The following NCKAP5 variants were observed in gnomAD, a reference collection of about 807,000 sequenced individuals.
The protein encoded by NCKAP5 is NCK associated protein 5, also known as nck-associated protein 5.
A neutral mutation model predicts 167.0 loss-of-function variants in NCKAP5; 92 were observed. The ratio of observed to expected loss-of-function variants is 0.55; its 90% CI spans 0.47 to 0.66. NCKAP5 has a LOEUF of 0.66. NCKAP5 is among the 30% of genes least tolerant of loss of function. NCKAP5 has a pLI of 0.00. For synonymous variants in NCKAP5, 891 were observed against 877.4 expected (o/e 1.02, Z -0.27); for missense variants, 2,378 against 2,315.0 (o/e 1.03, Z -0.56).
At chr2:133,024,090 A>C (rs1216994375) in intron 6 of NCKAP5, among the ~76,000 whole-genome samples, 1 of 152,190 alleles carries the variant, frequency 6.6e-6, no homozygotes, top group African/African-American at 2.4e-5. Context: ...ATAAAGTATA[A>C]ACATCTATGA....
At chr2:133,003,724 C>T (rs1212291086) in intron 6 of NCKAP5, among the ~76,000 whole-genome samples, 1 of 152,152 alleles carries the variant, frequency 6.6e-6, no homozygotes, top group African/African-American at 2.4e-5. Flanking sequence ...ACAAATTTTG[C>T]AAGAATAACA....
At chr2:133,631,710 C>T in the NCKAP5 span, among the ~76,000 whole-genome samples, 1 of 152,176 alleles carries the variant, frequency 6.6e-6, no homozygotes. Context: ...CTAAGTCTTC[C>T]ATCCTCATGG....
chr2:132,997,316 C>T (rs916961264), intron 6 of NCKAP5, among the ~76,000 whole-genome samples: 3 of 152,104 alleles, frequency 2.0e-5, no homozygotes, highest in Admixed American at 1.3e-4. Context: ...GCGCTGGTTA[C>T]GAGTACTCTA....
intron 8 of NCKAP5, chr2:132,930,996 C>T (rs1696332436): frequency 6.6e-6 from 1 of 152,192 alleles, no homozygotes; most frequent in Non-Finnish European, 1.5e-5. Context: ...AAATTAAACT[C>T]AGGTACTCTG....
At chr2:132,968,827 G>T (rs1156319725) in intron 7 of NCKAP5, among the ~76,000 whole-genome samples, 1 of 152,136 alleles carries the variant, frequency 6.6e-6, no homozygotes, top group Non-Finnish European at 1.5e-5. Context: ...AACTGTAGCT[G>T]AAGGGCATTG....
intron 4 of NCKAP5, among the ~76,000 whole-genome samples, chr2:133,239,609 C>T (rs1279324409): frequency 6.6e-6 from 1 of 152,100 alleles, no homozygotes; most frequent in Non-Finnish European, 1.5e-5. Flanking sequence ...AATCTCACAC[C>T]AAAGAATTAT....
the NCKAP5 span, among the ~76,000 whole-genome samples, chr2:133,597,677 A>AAT: frequency 1.1e-5 from 1 of 91,890 alleles, no homozygotes; most frequent in Non-Finnish European, 2.4e-5. Context: ...CTGTCTCAAA[A>AAT]AAAAAAAAAA....
chr2:133,159,537 C>T (rs1026967566), intron 5 of NCKAP5, among the ~76,000 whole-genome samples: 6 of 152,112 alleles, frequency 3.9e-5, no homozygotes, highest in African/African-American at 1.4e-4. Context: ...ACCCTATGAA[C>T]GATCTATAGG....
intron 13 of NCKAP5, among the ~76,000 whole-genome samples, chr2:132,786,100 A>G (rs973855756): frequency 6.6e-6 from 1 of 152,256 alleles, no homozygotes; most frequent in African/African-American, 2.4e-5. Flanking sequence ...AGAAAGGCAT[A>G]TAGGAAAGGT....
intron 8 of NCKAP5, among the ~76,000 whole-genome samples, chr2:132,879,719 A>C (rs6707194): frequency 0.59 from 89,983 of 152,066 alleles, 27,367 homozygotes; most frequent in East Asian, 0.81. Context: ...CTCTAAGCCC[A>C]CAAGCAATCT....
At chr2:133,620,168 A>AAT in the NCKAP5 span, among the ~76,000 whole-genome samples, 1 of 62,326 alleles carries the variant, frequency 1.6e-5, no homozygotes, top group African/African-American at 6.0e-5. Flanking sequence ...CCTATATAAC[A>AAT]ATAACACAAT....
the NCKAP5 span, among the ~76,000 whole-genome samples, chr2:133,654,752 T>C: frequency 6.6e-6 from 1 of 152,206 alleles, no homozygotes; most frequent in Non-Finnish European, 1.5e-5. Context: ...TGATGGGTAA[T>C]AGACATGAGG....
chr2:133,335,696 C>G (rs1412844739), intron 3 of NCKAP5, among the ~76,000 whole-genome samples: 3 of 152,150 alleles, frequency 2.0e-5, no homozygotes, highest in African/African-American at 7.2e-5. Flanking sequence ...CCATTAAAAG[C>G]TGAGTTCAAA....
At chr2:132,887,161 A>AAT (rs1234851702) in intron 8 of NCKAP5, among the ~76,000 whole-genome samples, 4 of 152,154 alleles carry the variant, frequency 2.6e-5, no homozygotes, top group Non-Finnish European at 5.9e-5. Context: ...TGAGATTGCA[A>AAT]ATATGCAAAT....
intron 8 of NCKAP5, among the ~76,000 whole-genome samples, chr2:132,950,544 A>G (rs1574742846): frequency 6.6e-6 from 1 of 152,208 alleles, no homozygotes; most frequent in Non-Finnish European, 1.5e-5. Flanking sequence ...ATTTACATTC[A>G]TCTCAGGAAA....
chr2:133,562,559 A>G (rs1306315575), intron 1 of NCKAP5, among the ~76,000 whole-genome samples: 2 of 152,210 alleles, frequency 1.3e-5, no homozygotes, highest in African/African-American at 2.4e-5. Context: ...CCCACATTTC[A>G]GAACTAACAG....
At chr2:132,968,076 T>C (rs2076723380) in intron 7 of NCKAP5, among the ~76,000 whole-genome samples, 1 of 151,940 alleles carries the variant, frequency 6.6e-6, no homozygotes, top group African/African-American at 2.4e-5. Flanking sequence ...TGGTGGAGCA[T>C]AGTGTCTAAA....
chr2:133,064,118 T>C (rs955202760), intron 6 of NCKAP5, among the ~76,000 whole-genome samples: 16 of 152,254 alleles, frequency 1.1e-4, no homozygotes, highest in African/African-American at 3.9e-4. Context: ...GAGAAAATTC[T>C]GACATGATCA....
At chr2:133,558,703 G>GAAAAAAAAAAAAAA in intron 2 of NCKAP5, among the ~76,000 whole-genome samples, 1 of 5,214 alleles carries the variant, frequency 1.9e-4, no homozygotes, top group South Asian at 0.011. Flanking sequence ...AATGTGCTGA[G>GAAAAAAAAAAAAAA]CAAAAAAAAA....
Sources: gnomAD v4.1 joint callset for allele counts (sites outside exome capture counted in the v4.1 genomes callset) on GRCh38, gnomAD v4.1.1 for gene constraint, MANE v1.5 for transcripts, NCBI Gene and HGNC (gene_info 2026-07-23, HGNC 2026-07-21) for gene names.